Variants in FIGNL2 observed in about 807,000 individuals in gnomAD.
FIGNL2 encodes the protein fidgetin like 2.
For missense variants in FIGNL2, 1,060 were observed against 950.2 expected (o/e 1.12, Z -1.52); for synonymous variants, 565 against 484.0 (o/e 1.17, Z -2.20).
intron 1 of FIGNL2, among the ~76,000 whole-genome samples, chr12:51,831,100 C>G (rs1939455150): frequency 6.6e-6 from 1 of 151,978 alleles, no homozygotes; most frequent in South Asian, 2.1e-4. Context: ...CAAAACCCAG[C>G]CTGTATTACC....
Position 51,818,087 on chromosome 12 carries a change from A to G in FIGNL2, c.*2365T>C, listed in dbSNP as rs7960686. On this transcript the variant is annotated 3_prime_UTR_variant, in exon 2 of 2. Coordinates refer to ENST00000618634, the MANE Select transcript of FIGNL2 (RefSeq NM_001384995.1). The stretch of plus-strand genomic sequence containing the variant: ...TCCCAGCCCCAGTCTGGGTAGAGGA[A>G]GGGGAGAGGCCAGCTCGGAAGTCAC... 0.19 allele frequency: 29,641 copies of G among 152,088 alleles called. 3,667 individuals carry two copies. Among genetic ancestry groups the G allele is most frequent in the East Asian group, 0.4 (2,052 of 5,148 alleles). The allele number at this position is 152,088 out of a possible 1,614,324, so 9.4% of individuals were successfully genotyped here.
chr12:51,847,522 A>G, intron 1 of FIGNL2: 3 of 985,450 alleles, frequency 3.0e-6, no homozygotes, highest in Non-Finnish European at 3.6e-6. Flanking sequence ...TGACAGCCCT[A>G]CGGCCTAATC....
chr12:51,830,932 G>A (rs1939449613), intron 1 of FIGNL2, among the ~76,000 whole-genome samples: 1 of 152,082 alleles, frequency 6.6e-6, no homozygotes, highest in South Asian at 2.1e-4. Context: ...CAGGTGCCAG[G>A]TACATGCCAC....
At chr12:51,835,957 T>C (rs575213824) in intron 1 of FIGNL2, among the ~76,000 whole-genome samples, 1 of 152,190 alleles carries the variant, frequency 6.6e-6, no homozygotes, top group East Asian at 1.9e-4. Context: ...ATTACAGGCG[T>C]GCACCACCAT....
chr12:51,848,535 C>T lies in FIGNL2; in HGVS notation c.-12+5G>A, dbSNP rs1177096530. ...CCCCATCCCGGCCCGCCCGCGGCCCCGTACCTCGGCATCACGGCCGGGTCC... is the reference window on the plus strand; with the variant it reads ...CCCCATCCCGGCCCGCCCGCGGCCCTGTACCTCGGCATCACGGCCGGGTCC... On this transcript the variant is annotated splice_donor_5th_base_variant and intron_variant, in intron 1 of 1. Coordinates refer to ENST00000618634, the MANE Select transcript of FIGNL2 (RefSeq NM_001384995.1). 115 of 984,216 alleles carry T rather than the reference C, an allele frequency of 1.2e-4. 1 individual carries two copies. In the Admixed American group the frequency reaches 7.1e-3, roughly 61 times the overall value. 61.0% of individuals were successfully genotyped at this position (984,216 alleles called of 1,614,324 possible).
At position 51,820,100 on chromosome 12, in the gene FIGNL2, G is replaced by C. The variant is rs1048164797; in HGVS notation, c.*352C>G. 6.8e-6 allele frequency: 2 copies of C among 293,618 alleles called. No individual in the cohort carries two copies. The highest frequency in any genetic ancestry group is 1.3e-5 in the Non-Finnish European group (2 of 156,532). 18.2% of individuals were successfully genotyped at this position (293,618 alleles called of 1,614,324 possible). ...GATGGAGAGAGTGAGGGAGAAGGAG[G>C]GTGCCATTCAGATAGCGAGGAGACA... is the stretch of plus-strand genomic sequence containing the variant. On this transcript the variant is annotated 3_prime_UTR_variant, in exon 2 of 2. Coordinates refer to ENST00000618634, the MANE Select transcript of FIGNL2 (RefSeq NM_001384995.1).
chr12:51,828,590 G>A (rs993110782), intron 1 of FIGNL2: 1 of 152,216 alleles, frequency 6.6e-6, no homozygotes. Context: ...AGCCTTCACA[G>A]CTGGCCAGAA....
intron 1 of FIGNL2, among the ~76,000 whole-genome samples, chr12:51,830,721 G>T (rs1276837507): frequency 1.3e-5 from 2 of 151,994 alleles, no homozygotes; most frequent in African/African-American, 2.4e-5. Context: ...TCAAACTCCT[G>T]ACCTCATGAT....
rs1056218518 is a variant in FIGNL2 at position 51,821,478 on chromosome 12, C to T, written c.936G>A (p.Lys312=). Residue 312 remains lysine, a synonymous_variant, in exon 2 of 2, where the codon AAG becomes AAA. Coordinates refer to ENST00000618634, the MANE Select transcript of FIGNL2 (RefSeq NM_001384995.1). ...ACGCCTCCTCCGCGGCTCCTGGCGGCTTGGCCCGGAACCCGTTGCCCCGAC... is the reference window on the plus strand; with the variant it reads ...ACGCCTCCTCCGCGGCTCCTGGCGGTTTGGCCCGGAACCCGTTGCCCCGAC... ...GECRGNGFRA[K]PPGAAEEASG... is the part of the protein sequence containing the mutation. 4 of 1,549,816 alleles carry T rather than the reference C, an allele frequency of 2.6e-6. No individual in the cohort carries two copies. Among genetic ancestry groups the T allele is most frequent in the Admixed American group, 1.8e-5 (1 of 54,608 alleles).
chr12:51,837,067 C>T (rs1939590734), intron 1 of FIGNL2, among the ~76,000 whole-genome samples: 1 of 152,138 alleles, frequency 6.6e-6, no homozygotes, highest in Non-Finnish European at 1.5e-5. Flanking sequence ...AGCCTGGGGC[C>T]TTGGGAGGGG....
rs1392470250 is a variant in FIGNL2, at chr12:51,820,897, G to A, written c.1517C>T (p.Ala506Val). The A allele has an allele frequency of 2.4e-5, 32 of 1,339,148 alleles. No individual in the cohort carries two copies. Among genetic ancestry groups the A allele is most frequent in the Non-Finnish European group, 3.0e-5 (32 of 1,053,538 alleles). 83.0% of individuals were successfully genotyped at this position (1,339,148 alleles called of 1,614,324 possible). ...LLPARDDGAA[A>V]GGALQVPLLA... is the part of the protein sequence containing the mutation. ...GAGCGGCACCTGCAGCGCGCCCCCT[G>A]CCGCCGCGCCGTCGTCCCGGGCGGG... The change falls in exon 2 of 2, where the codon GCA (alanine) becomes GTA (valine). Residue 506 changes from alanine to valine, a missense_variant. By Grantham distance (64) the Ala-to-Val change is moderately conservative. Coordinates refer to ENST00000618634, the MANE Select transcript of FIGNL2 (RefSeq NM_001384995.1).
chr12:51,848,508 C>G (rs1357434033), intron 1 of FIGNL2, 32 bp downstream of exon 1: 2 of 983,844 alleles, frequency 2.0e-6, no homozygotes, highest in African/African-American at 3.5e-5. Flanking sequence ...CACCTCCCCC[C>G]GCCCCATCCC....
intron 1 of FIGNL2, among the ~76,000 whole-genome samples, chr12:51,838,845 C>A (rs1939617503): frequency 6.6e-6 from 1 of 152,126 alleles, no homozygotes; most frequent in African/African-American, 2.4e-5. Flanking sequence ...AAAACATAAT[C>A]CTGGAGCTGC....
chr12:51,843,054 G>GGGA (rs1939687695), intron 1 of FIGNL2, among the ~76,000 whole-genome samples: 1 of 152,166 alleles, frequency 6.6e-6, no homozygotes. Flanking sequence ...CTGGCCATGT[G>GGGA]GGAGGCTGCA....
At position 51,823,037 on chromosome 12, in the gene FIGNL2, G is replaced by A. The variant is rs904524522; in HGVS notation, c.-11-613C>T. 5.3e-5 allele frequency among the ~76,000 whole-genome samples: 8 copies of A among 152,344 alleles called. No individual in the cohort carries two copies. In the East Asian group the frequency reaches 1.3e-3, roughly 26 times the overall value. On this transcript the variant is annotated intron_variant, in intron 1 of 1. Transcript: ENST00000618634. The stretch of plus-strand genomic sequence containing the variant: ...TGAGGTCAGAGATGCTGGCGTGTAT[G>A]GGACTGCCTTATCCATGGGAAACCT...
In FIGNL2 at chr12:51,822,098, A is replaced by C; in HGVS notation, c.316T>G (p.Tyr106Asp). ...PEPWPGPEPP[Y>D]PLASLHEGLP... ...CCTTCGTGGAGTGAGGCCAAGGGGT[A>C]GGGTGGCTCCGGCCCTGGCCAGGGC... The change falls in exon 2 of 2, where the codon TAC becomes GAC. Residue 106 changes from tyrosine (Y) to aspartate (D), a missense_variant. By Grantham distance (160) the Tyr-to-Asp change is radical. Coordinates refer to ENST00000618634, the MANE Select transcript of FIGNL2 (RefSeq NM_001384995.1). 6.2e-7 allele frequency: 1 copy of C among 1,611,406 alleles called. No homozygotes were observed. Among genetic ancestry groups the C allele is most frequent in the South Asian group, 1.1e-5 (1 of 90,498 alleles).
intron 1 of FIGNL2, among the ~76,000 whole-genome samples, chr12:51,832,703 G>A (rs190758433): frequency 2.9e-4 from 44 of 152,210 alleles, no homozygotes; most frequent in Middle Eastern, 3.4e-3. Context: ...ACCATCACCT[G>A]TGTATTGATG....
chr12:51,833,261 C>T (rs1030030021), intron 1 of FIGNL2, among the ~76,000 whole-genome samples: 3 of 152,130 alleles, frequency 2.0e-5, no homozygotes, highest in African/African-American at 4.8e-5. Context: ...ACTGTGTTGT[C>T]CAGGCTGGTC....
chr12:51,842,371 T>C (rs1469827611), intron 1 of FIGNL2, among the ~76,000 whole-genome samples: 15 of 152,142 alleles, frequency 9.9e-5, no homozygotes, highest in Non-Finnish European at 2.1e-4. Context: ...GAAGGTGCAG[T>C]TTCTCCTGGT....
Sources: gnomAD v4.1 joint callset for allele counts (sites outside exome capture counted in the v4.1 genomes callset) on GRCh38, gnomAD v4.1.1 for gene constraint, MANE v1.5 for transcripts, NCBI Gene and HGNC (gene_info 2026-07-23, HGNC 2026-07-21) for gene names.